Variants in CHD7 observed in about 807,000 individuals in gnomAD.
CHD7 encodes the protein ATP-dependent chromatin remodeler CHD7.
A neutral mutation model predicts 307.3 loss-of-function variants in CHD7; 24 were observed. The ratio of observed to expected loss-of-function variants is 0.08; its 90% confidence interval spans 0.06 to 0.11. The LOEUF (loss-of-function observed/expected upper bound fraction) is 0.11. Among genes scored for constraint, CHD7 ranks in the 10% least tolerant of loss-of-function variants. The pLI is 1.00. For missense variants in CHD7, 3,106 were observed against 3,727.1 expected (o/e 0.83, Z 4.34); for synonymous variants, 1,363 against 1,349.9 (o/e 1.01, Z -0.21).
chr8:60,836,996 C>T lies in CHD7; in HGVS notation c.4169C>T (p.Pro1390Leu). 6.2e-7 allele frequency: 1 copy of T among 1,608,260 alleles called. No homozygotes were observed. The highest frequency in any genetic ancestry group is 8.5e-7 in the Non-Finnish European group (1 of 1,176,418). ...ATCATCTTTGATTCAGACTGGAATC[C>T]CCAAAATGACCTCCAGGTAAATGCA... ...TCIIFDSDWN[P>L]QNDLQAQARC... The change falls in exon 17 of 38, where the codon CCC becomes CTC. Residue 1390 changes from proline to leucine, a missense_variant. Pro to Leu is a moderately conservative substitution (Grantham distance 98). This residue lies in a region of CHD7 where 93 missense variants were observed against 176.4 expected (regional missense o/e 0.53). Coordinates refer to ENST00000423902, the MANE Select transcript of CHD7 (RefSeq NM_017780.4).
intron 2 of CHD7, among the ~76,000 whole-genome samples, chr8:60,766,466 G>A (rs1810474532): frequency 6.6e-6 from 1 of 152,214 alleles, no homozygotes; most frequent in Non-Finnish European, 1.5e-5. Flanking sequence ...GAATTGCTCA[G>A]ACTGTGTAGC....
intron 2 of CHD7, among the ~76,000 whole-genome samples, chr8:60,763,870 C>G (rs1180190220): frequency 1.3e-5 from 2 of 152,186 alleles, no homozygotes; most frequent in African/African-American, 4.8e-5. Flanking sequence ...AGATAATCAC[C>G]TCCCACCCCG....
At chr8:60,817,520 G>A (rs1803807136) in intron 8 of CHD7, among the ~76,000 whole-genome samples, 1 of 152,186 alleles carries the variant, frequency 6.6e-6, no homozygotes, top group South Asian at 2.1e-4. Context: ...AGATCATGTG[G>A]TTGTTCTTTT....
At chr8:60,713,695 A>G (rs1485001978) in intron 1 of CHD7, among the ~76,000 whole-genome samples, 3 of 152,142 alleles carry the variant, frequency 2.0e-5, no homozygotes, top group Non-Finnish European at 4.4e-5. Context: ...GTGGGCGTTC[A>G]CGAGGAGCTC....
chr8:60,811,767 CT>C (rs1249513359), intron 7 of CHD7, among the ~76,000 whole-genome samples: 1 of 152,062 alleles, frequency 6.6e-6, no homozygotes, highest in Non-Finnish European at 1.5e-5. Flanking sequence ...AATTCCCTTC[CT>C]TCATGTTGTA....
chr8:60,794,129 T>TA (rs1011462877), intron 3 of CHD7, among the ~76,000 whole-genome samples: 99 of 144,696 alleles, frequency 6.8e-4, no homozygotes, highest in East Asian at 3.6e-3. Context: ...TCTCAAAAAA[T>TA]AAAAAAAAAA....
At chr8:60,806,885 C>T (rs910172087) in intron 6 of CHD7, among the ~76,000 whole-genome samples, 1 of 151,952 alleles carries the variant, frequency 6.6e-6, no homozygotes, top group Non-Finnish European at 1.5e-5. Flanking sequence ...GCCCGTAGTC[C>T]CAGCTACTTG....
chr8:60,764,010 C>T lies in CHD7; in HGVS notation c.1666-16990C>T, dbSNP rs774427918. On this transcript the variant is annotated intron_variant, in intron 2 of 37. Coordinates refer to ENST00000423902, the MANE Select transcript of CHD7 (RefSeq NM_017780.4). ...TTTTGTTCTTTCTTTTTTTTTGAGA[C>T]AGAGTCTCATTCTGTCACCCAGGCT... 3.9e-5 allele frequency among the ~76,000 whole-genome samples: 6 copies of T among 152,062 alleles called. No homozygotes were observed. In the South Asian group the frequency reaches 8.3e-4, roughly 21 times the overall value.
At chr8:60,688,866 A>T (rs763338275) in intron 1 of CHD7, among the ~76,000 whole-genome samples, 1 of 152,218 alleles carries the variant, frequency 6.6e-6, no homozygotes, top group African/African-American at 2.4e-5. Context: ...CAAAATCTAT[A>T]GGAGCTCCAG....
chr8:60,741,894 C>A lies in CHD7; in HGVS notation c.462C>A (p.Asp154Glu). 1 of 1,613,400 alleles carries A rather than the reference C, an allele frequency of 6.2e-7. No homozygotes were observed. The highest frequency in any genetic ancestry group is 8.5e-7 in the Non-Finnish European group (1 of 1,179,670). ...MWGPRAVQVP[D>E]QIRAPYQQQQ... ...GCCCCAGGGCTGTTCAGGTACCAGACCAGATACGAGCCCCCTACCAGCAGC... is the reference window on the plus strand; with the variant it reads ...GCCCCAGGGCTGTTCAGGTACCAGAACAGATACGAGCCCCCTACCAGCAGC... Residue 154 changes from aspartate (D) to glutamate (E), a missense_variant, in exon 2 of 38, where the codon GAC (aspartate) becomes GAA (glutamate). Physicochemically the swap from Asp to Glu is conservative, Grantham distance 45. Coordinates refer to ENST00000423902, the MANE Select transcript of CHD7 (RefSeq NM_017780.4).
chr8:60,788,182 A>G (rs1811593798), intron 3 of CHD7, among the ~76,000 whole-genome samples: 1 of 150,654 alleles, frequency 6.6e-6, no homozygotes, highest in Non-Finnish European at 1.5e-5. Context: ...AAAGTGCAGT[A>G]ACACAGTCTC....
chr8:60,790,224 A>G (rs1005074395), intron 3 of CHD7, among the ~76,000 whole-genome samples: 1 of 151,886 alleles, frequency 6.6e-6, no homozygotes, highest in African/African-American at 2.4e-5. Flanking sequence ...CTCAGTCTCT[A>G]GCCTCATGAG....
intron 1 of CHD7, among the ~76,000 whole-genome samples, chr8:60,702,153 G>A (rs1040072452): frequency 5.3e-5 from 8 of 152,212 alleles, no homozygotes; most frequent in Non-Finnish European, 1.0e-4. Flanking sequence ...AGGCATAGTT[G>A]TGAGGATTAT....
chr8:60,787,852 A>G (rs1410844070), intron 3 of CHD7, among the ~76,000 whole-genome samples: 2 of 109,958 alleles, frequency 1.8e-5, no homozygotes, highest in Non-Finnish European at 3.7e-5. Flanking sequence ...TTTTTTTGAA[A>G]CAGACTCGCT....
intron 1 of CHD7, among the ~76,000 whole-genome samples, chr8:60,715,839 T>C (rs1157635311): frequency 6.6e-6 from 1 of 152,190 alleles, no homozygotes; most frequent in African/African-American, 2.4e-5. Context: ...CTAGAAAATA[T>C]AGGCCACTAT....
At chr8:60,850,874 C>T in intron 26 of CHD7, 158 bp from the exon 27 acceptor site, 1 of 685,434 alleles carries the variant, frequency 1.5e-6, no homozygotes, top group East Asian at 2.7e-5. Context: ...CACCACACTG[C>T]CATGGCTGCA....
At chr8:60,795,180 T>C (rs1811960522) in intron 4 of CHD7, 53 bp downstream of exon 4, 4 of 1,574,058 alleles carry the variant, frequency 2.5e-6, no homozygotes, top group Admixed American at 3.5e-5. Context: ...TGGGTAACTT[T>C]AGCCATGTAT....
chr8:60,829,642 A>G (rs1303913847), intron 14 of CHD7, among the ~76,000 whole-genome samples: 1 of 152,164 alleles, frequency 6.6e-6, no homozygotes, highest in Non-Finnish European at 1.5e-5. Flanking sequence ...GCTATTTTAT[A>G]TGCTGTAAGA....
intron 2 of CHD7, among the ~76,000 whole-genome samples, chr8:60,778,514 T>G (rs1811058710): frequency 6.6e-6 from 1 of 152,238 alleles, no homozygotes; most frequent in African/African-American, 2.4e-5. Flanking sequence ...TTTATGCTTT[T>G]TCTAATTCAT....
Sources: gnomAD v4.1 joint callset for allele counts (sites outside exome capture counted in the v4.1 genomes callset) on GRCh38, gnomAD v4.1.1 for gene constraint, gnomAD v4.1.1 regional missense constraint, MANE v1.5 for transcripts, NCBI Gene and HGNC (gene_info 2026-07-23, HGNC 2026-07-21) for gene names.